GANC: variants seen among roughly 807,000 people sequenced by gnomAD.
The protein encoded by GANC is neutral alpha-glucosidase C.
In GANC, 117 loss-of-function variants were observed where a neutral mutation model predicts 124.2. The ratio of observed to expected loss-of-function variants is 0.94; its 90% confidence interval spans 0.81 to 1.10. The LOEUF is 1.10. Ranked by LOEUF, GANC falls within the 50% of genes least tolerant of loss-of-function variation. The pLI, the probability that GANC is intolerant of heterozygous loss-of-function variation, is 0.00. For synonymous variants in GANC, 377 were observed against 376.8 expected, an observed-to-expected ratio of 1.00 and a Z score of -0.01; for missense variants, 1,140 against 1,095.0, an observed-to-expected ratio of 1.04 and a Z score of -0.58.
At chr15:42,340,378 G>T (rs969603902) in intron 17 of GANC, among the ~76,000 whole-genome samples, 1 of 152,078 alleles carries the variant, frequency 6.6e-6, no homozygotes, top group African/African-American at 2.4e-5. Context: ...CCAGCACTTT[G>T]GGAGGATCAT....
At chr15:42,285,123 G>A (rs1002246225) in intron 3 of GANC, among the ~76,000 whole-genome samples, 3 of 152,312 alleles carry the variant, frequency 2.0e-5, no homozygotes, top group Middle Eastern at 3.4e-3. Context: ...ATCTACAAAT[G>A]TTTACTGTTT....
intron 11 of GANC, among the ~76,000 whole-genome samples, chr15:42,325,738 T>C (rs1374326992): frequency 6.6e-6 from 1 of 152,156 alleles, no homozygotes; most frequent in East Asian, 1.9e-4. Flanking sequence ...AAAAGAGCAT[T>C]GGCCTGGTTT....
At chr15:42,285,393 T>C (rs1460914962) in intron 3 of GANC, among the ~76,000 whole-genome samples, 2 of 151,934 alleles carry the variant, frequency 1.3e-5, no homozygotes, top group Admixed American at 6.6e-5. Context: ...TCTGCTGATA[T>C]TTAAAAGAAA....
rs146100718 is a variant in GANC, at chr15:42,349,617, C to T, written c.2531+122C>T. ...ATTTAAAGAAATGAATGGTGAAGGC[C>T]GTTTCCGGAATATTTTTTTCTTTTC... On this transcript the variant is annotated intron_variant, in intron 22 of 23. Coordinates refer to ENST00000318010, the MANE Select transcript of GANC (RefSeq NM_198141.3). 1.4e-4 allele frequency: 93 copies of T among 655,324 alleles called. No homozygotes were observed. In the African/African-American group the frequency reaches 1.7e-3, roughly 12 times the overall value. 40.6% of individuals were successfully genotyped at this position (655,324 alleles called of 1,614,324 possible). A position where few individuals can be genotyped will look rare whatever the true frequency, so the allele number is the denominator to read the frequency against.
intron 19 of GANC, among the ~76,000 whole-genome samples, chr15:42,343,904 A>T (rs894678823): frequency 3.9e-5 from 6 of 152,088 alleles, no homozygotes; most frequent in African/African-American, 1.4e-4. Context: ...GACCCTAGAG[A>T]GCATCCTTGA....
At position 42,330,447 on chromosome 15, in the gene GANC, G is replaced by A. The variant is rs1364763522; in HGVS notation, c.1645-129G>A. On this transcript the variant is annotated intron_variant, in intron 14 of 23. Transcript: ENST00000318010. ...CATTATACCATGAAAATTATTTGATGGATTTATTTTAATATTTTCCATTTC... is the reference window on the plus strand; with the variant it reads ...CATTATACCATGAAAATTATTTGATAGATTTATTTTAATATTTTCCATTTC... 1.8e-5 allele frequency: 11 copies of A among 615,292 alleles called. No individual in the cohort carries two copies. In the African/African-American group the frequency reaches 2.0e-4, roughly 11 times the overall value. The allele number at this position is 615,292 out of a possible 1,614,324, so 38.1% of individuals were successfully genotyped here. A position where few individuals can be genotyped will look rare whatever the true frequency, so the allele number is the denominator to read the frequency against.
intron 19 of GANC, among the ~76,000 whole-genome samples, chr15:42,343,754 G>A (rs1328729057): frequency 1.3e-5 from 2 of 152,178 alleles, no homozygotes; most frequent in African/African-American, 4.8e-5. Flanking sequence ...CGGTCTGCAG[G>A]CAGAGAGCCA....
chr15:42,283,905 G>A lies in GANC; in HGVS notation c.202-3786G>A, dbSNP rs949343270. 1.3e-5 allele frequency: 9 copies of A among 702,516 alleles called. 1 individual carries two copies. Among genetic ancestry groups the A allele is most frequent in the South Asian group, 4.4e-5 (3 of 67,608 alleles). The allele number at this position is 702,516 out of a possible 1,614,324, so 43.5% of individuals were successfully genotyped here. A position where few individuals can be genotyped will look rare whatever the true frequency, so the allele number is the denominator to read the frequency against. Reference sequence around the variant, plus strand: ...CTTGGGGAACAGGCCAGTGCCCAGCGTGAGGTTGCCAGTATTCTTTGTAGA... The same window carrying A: ...CTTGGGGAACAGGCCAGTGCCCAGCATGAGGTTGCCAGTATTCTTTGTAGA... On this transcript the variant is annotated intron_variant, in intron 3 of 23. Coordinates refer to ENST00000318010, the MANE Select transcript of GANC (RefSeq NM_198141.3).
chr15:42,274,876 C>T (rs990520980), intron 1 of GANC, among the ~76,000 whole-genome samples: 1 of 151,776 alleles, frequency 6.6e-6, no homozygotes, highest in African/African-American at 2.4e-5. Flanking sequence ...ACTGCTTGGG[C>T]AACAAAGTGA....
At chr15:42,300,294 G>A (rs1056799917) in intron 6 of GANC, among the ~76,000 whole-genome samples, 2 of 152,016 alleles carry the variant, frequency 1.3e-5, no homozygotes, top group Non-Finnish European at 2.9e-5. Flanking sequence ...ATAGGCAAAG[G>A]ATATGAACAG....
At chr15:42,282,736 T>G (rs1471641791) in intron 3 of GANC, among the ~76,000 whole-genome samples, 1 of 152,232 alleles carries the variant, frequency 6.6e-6, no homozygotes, top group African/African-American at 2.4e-5. Flanking sequence ...CCAAGCTTCA[T>G]TCAACATTGG....
At chr15:42,291,333 G>A (rs141474950) in intron 4 of GANC, among the ~76,000 whole-genome samples, 38 of 152,216 alleles carry the variant, frequency 2.5e-4, no homozygotes, top group African/African-American at 9.1e-4. Flanking sequence ...TGGCATAGTT[G>A]GTTAATTATA....
At chr15:42,292,586 C>T in intron 4 of GANC, 149 bp from the exon 5 acceptor site, 1 of 683,720 alleles carries the variant, frequency 1.5e-6, no homozygotes, top group Non-Finnish European at 2.4e-6. Flanking sequence ...GCATCAAAGC[C>T]AATGCTCTCA....
intron 22 of GANC, 110 bp downstream of exon 22, chr15:42,349,605 A>G (rs1456301630): frequency 7.1e-6 from 5 of 707,454 alleles, no homozygotes; most frequent in Non-Finnish European, 1.2e-5. Context: ...TAAAGAAATG[A>G]ATGGTGAAGG....
At chr15:42,333,765 T>C (rs1289103521) in intron 15 of GANC, among the ~76,000 whole-genome samples, 2 of 152,214 alleles carry the variant, frequency 1.3e-5, no homozygotes, top group Non-Finnish European at 2.9e-5. Context: ...TGGCTCAGTA[T>C]GGGTTAAATA....
At chr15:42,346,994 A>G (rs1187490703) in intron 20 of GANC, among the ~76,000 whole-genome samples, 1 of 152,184 alleles carries the variant, frequency 6.6e-6, no homozygotes, top group Non-Finnish European at 1.5e-5. Context: ...AGAGAACTTA[A>G]CAATTATCTA....
chr15:42,347,604 G>C (rs2052377054), intron 20 of GANC, among the ~76,000 whole-genome samples: 1 of 152,184 alleles, frequency 6.6e-6, no homozygotes, highest in South Asian at 2.1e-4. Context: ...GAGGGGACAG[G>C]CTGCAGTGAG....
chr15:42,349,690 C>G (rs1041973555), intron 22 of GANC, among the ~76,000 whole-genome samples, 195 bp downstream of exon 22: 1 of 151,946 alleles, frequency 6.6e-6, no homozygotes, highest in African/African-American at 2.4e-5. Flanking sequence ...CTCTGTCGCT[C>G]AGACTAGAGT....
At chr15:42,332,523 C>T (rs1002073002) in intron 15 of GANC, among the ~76,000 whole-genome samples, 6 of 151,918 alleles carry the variant, frequency 3.9e-5, no homozygotes, top group Admixed American at 3.3e-4. Flanking sequence ...AAGTCATATG[C>T]GATGATCAAT....
Sources: allele counts gnomAD v4.1 joint callset (sites outside exome capture counted in the v4.1 genomes callset), GRCh38; gene constraint gnomAD v4.1.1; transcripts MANE v1.5; gene names NCBI Gene and HGNC (gene_info 2026-07-23, HGNC 2026-07-21).